Variants in SLC27A6 observed in about 807,000 individuals in gnomAD.
The protein encoded by SLC27A6 is solute carrier family 27 member 6, also known as long-chain fatty acid transport protein 6.
Under a neutral mutation model 63.9 loss-of-function variants are expected in SLC27A6, and 74 were observed. The observed-to-expected ratio is 1.16, with a 90% CI of 0.96 to 1.40. SLC27A6 has a LOEUF of 1.40. Ranked by LOEUF, SLC27A6 falls within the 40% of genes most tolerant of loss-of-function variation. The probability of loss-of-function intolerance (pLI) is 0.00; values close to 1 mark genes in which losing one functional copy is unlikely to be tolerated. For synonymous variants in SLC27A6, 287 were observed against 260.8 expected (o/e 1.10, Z -0.97); for missense variants, 794 against 732.9 (o/e 1.08, Z -0.96).
intron 1 of SLC27A6, among the ~76,000 whole-genome samples, chr5:128,969,443 A>C (rs1382919763): frequency 6.6e-6 from 1 of 152,020 alleles, no homozygotes; most frequent in East Asian, 1.9e-4. Context: ...TATTTCGTTG[A>C]GCAGTGGTTT....
intron 5 of SLC27A6, among the ~76,000 whole-genome samples, chr5:129,017,857 T>A (rs986597313): frequency 8.5e-5 from 13 of 152,144 alleles, no homozygotes; most frequent in African/African-American, 3.1e-4. Context: ...TTCCCTTAAT[T>A]TCAGATAGCT....
intron 4 of SLC27A6, among the ~76,000 whole-genome samples, chr5:128,994,296 A>T (rs1007388752): frequency 4.6e-5 from 7 of 152,240 alleles, no homozygotes; most frequent in Admixed American, 3.3e-4. Flanking sequence ...GGAAATAAAT[A>T]CAGCTTTACC....
At chr5:128,972,095 T>C (rs10053532) in intron 1 of SLC27A6, among the ~76,000 whole-genome samples, 90,896 of 151,796 alleles carry the variant, frequency 0.6, 27,669 homozygotes, top group Non-Finnish European at 0.66. Flanking sequence ...TTGGCCCCCA[T>C]TCTCTTCTGG....
intron 1 of SLC27A6, among the ~76,000 whole-genome samples, chr5:128,970,204 A>G (rs900188545): frequency 2.1e-5 from 3 of 143,742 alleles, no homozygotes; most frequent in Non-Finnish European, 3.2e-5. Flanking sequence ...GTGTTCATCA[A>G]GGATATTGGT....
chr5:129,006,742 C>T lies in SLC27A6; in HGVS notation c.970-9143C>T, dbSNP rs562444710. Among the ~76,000 whole-genome samples the T allele has an allele frequency of 5.9e-5, 9 of 152,100 alleles. No homozygotes were observed. In the South Asian group the frequency reaches 1.9e-3, roughly 32 times the overall value. On this transcript the variant is annotated intron_variant, in intron 4 of 9. Transcript: ENST00000262462. ...TGTAAATTATGTCATTTATGTTTAA[C>T]TCTTTTGTAAGTGTCATGTTTAGAT... is the stretch of plus-strand genomic sequence containing the variant.
At chr5:128,976,731 A>G (rs982808339) in intron 1 of SLC27A6, among the ~76,000 whole-genome samples, 3 of 152,180 alleles carry the variant, frequency 2.0e-5, no homozygotes, top group African/African-American at 7.2e-5. Context: ...GGCTGCATGC[A>G]TTATTTTGTG....
At chr5:129,022,181 A>G (rs1752095445) in intron 5 of SLC27A6, among the ~76,000 whole-genome samples, 1 of 152,208 alleles carries the variant, frequency 6.6e-6, no homozygotes, top group Non-Finnish European at 1.5e-5. Flanking sequence ...AACAGTCTTT[A>G]TATCTAGAAT....
chr5:128,969,625 G>A (rs1420994541), intron 1 of SLC27A6, among the ~76,000 whole-genome samples: 1 of 152,142 alleles, frequency 6.6e-6, no homozygotes, highest in Non-Finnish European at 1.5e-5. Context: ...TCTGTCCTGA[G>A]ACTGCTGAAG....
chr5:128,985,309 C>T lies in SLC27A6; in HGVS notation c.658C>T (p.Leu220Phe), dbSNP rs151090767. The T allele has an allele frequency of 7.0e-5, 113 of 1,614,052 alleles. No individual in the cohort carries two copies. In the African/African-American group the frequency reaches 1.3e-3, roughly 19 times the overall value. ...HVVSLLKSTC[L>F]YIFTSGTTGL... ...TGTCTCACTCCTCAAGTCTACTTGT[C>T]TTTACATTTTTACCTCTGGAACAAC... The change falls in exon 2 of 10, where the codon CTT becomes TTT. Residue 220 changes from leucine to phenylalanine, a missense_variant. By Grantham distance (22) the Leu-to-Phe change is conservative. Transcript: ENST00000262462.
In SLC27A6 at chr5:128,966,481, A is replaced by G. The variant is rs201460735; in HGVS notation, c.344A>G (p.Glu115Gly). 90 of 1,609,350 alleles carry G rather than the reference A, an allele frequency of 5.6e-5. 1 individual carries two copies. In the African/African-American group the frequency reaches 1.0e-3, roughly 18 times the overall value. The part of the protein sequence containing the change: ...GDTVALLMSN[E>G]PDFVHVWFGL... ...ACGGTGGCTCTGCTGATGAGCAATG[A>G]GCCGGACTTCGTTCACGTGTGGTTC... Residue 115 changes from glutamate to glycine, a missense_variant, in exon 1 of 10, where the codon GAG becomes GGG. Glu to Gly is a moderately conservative substitution (Grantham distance 98, BLOSUM62 -2). Transcript: ENST00000262462.
intron 4 of SLC27A6, among the ~76,000 whole-genome samples, chr5:129,006,069 C>CTTTTTTTTTTTTTTT (rs1561624835): frequency 7.7e-5 from 5 of 64,848 alleles, no homozygotes; most frequent in Non-Finnish European, 1.0e-4. Flanking sequence ...CCTGTGCACA[C>CTTTTTTTTTTTTTTT]TGTTTTTTTT....
chr5:129,022,723 G>T (rs1752116112), intron 5 of SLC27A6, among the ~76,000 whole-genome samples: 1 of 152,130 alleles, frequency 6.6e-6, no homozygotes, highest in Admixed American at 6.6e-5. Flanking sequence ...TGCATGGAGG[G>T]ATAAGGTGGT....
intron 5 of SLC27A6, among the ~76,000 whole-genome samples, chr5:129,022,159 C>G (rs576777920): frequency 2.0e-5 from 3 of 152,092 alleles, no homozygotes; most frequent in Admixed American, 6.6e-5. Context: ...GATGCAAGTT[C>G]GTATTTTAAT....
chr5:129,002,875 G>A (rs529622065), intron 4 of SLC27A6, among the ~76,000 whole-genome samples: 28 of 152,182 alleles, frequency 1.8e-4, no homozygotes, highest in African/African-American at 5.8e-4. Context: ...TCTTTGTTTC[G>A]CCTGACCTGG....
chr5:129,024,731 T>A (rs1752180663), intron 6 of SLC27A6, among the ~76,000 whole-genome samples: 1 of 152,182 alleles, frequency 6.6e-6, no homozygotes, highest in South Asian at 2.1e-4. Flanking sequence ...AGAGATCCAG[T>A]ATGGATAAAT....
chr5:128,969,627 C>CTT (rs750216112), intron 1 of SLC27A6, among the ~76,000 whole-genome samples: 2 of 151,634 alleles, frequency 1.3e-5, no homozygotes, highest in African/African-American at 4.8e-5. Context: ...TGTCCTGAGA[C>CTT]TGCTGAAGTT....
At chr5:129,008,483 G>A (rs764793212) in intron 4 of SLC27A6, among the ~76,000 whole-genome samples, 1 of 152,164 alleles carries the variant, frequency 6.6e-6, no homozygotes, top group Admixed American at 6.5e-5. Flanking sequence ...GATGATACTT[G>A]CTAAAACTCA....
intron 5 of SLC27A6, among the ~76,000 whole-genome samples, chr5:129,017,240 G>A (rs531167082): frequency 3.3e-5 from 5 of 152,098 alleles, no homozygotes; most frequent in African/African-American, 1.2e-4. Flanking sequence ...TATAAATTAT[G>A]CTCTCTGAAA....
At chr5:129,014,513 G>T (rs970231682) in intron 4 of SLC27A6, among the ~76,000 whole-genome samples, 1 of 152,148 alleles carries the variant, frequency 6.6e-6, no homozygotes, top group Non-Finnish European at 1.5e-5. Flanking sequence ...TGACCTGGGT[G>T]CCTTTCTTCA....
Sources: allele counts gnomAD v4.1 joint callset (sites outside exome capture counted in the v4.1 genomes callset), GRCh38; gene constraint gnomAD v4.1.1; transcripts MANE v1.5; gene names NCBI Gene and HGNC (gene_info 2026-07-23, HGNC 2026-07-21).